Variants in TMEM108 observed in about 807,000 individuals in gnomAD.
The protein encoded by TMEM108 is cancer/testis antigen 124.
A neutral mutation model predicts 35.1 loss-of-function variants in TMEM108; 12 were observed. The ratio of observed to expected loss-of-function variants is 0.34; its 90% CI spans 0.22 to 0.55. The LOEUF is 0.55. Among genes scored for constraint, TMEM108 ranks in the 20% least tolerant of loss-of-function variants. The pLI is 0.89. For missense variants in TMEM108, 680 were observed against 753.3 expected (o/e 0.90, Z 1.14); for synonymous variants, 287 against 308.6 (o/e 0.93, Z 0.73).
In TMEM108 at chr3:133,125,920, G is replaced by A. The variant is rs575192721; in HGVS notation, c.-47+79900G>A. 9.2e-5 allele frequency among the ~76,000 whole-genome samples: 14 copies of A among 152,134 alleles called. 1 individual carries two copies. The highest frequency in any genetic ancestry group is 3.1e-4 in the African/African-American group (13 of 41,506). ...AATTATAGTCACTGTTTTATTTCAG[G>A]GCTGTTTCCTTCTATCAGTTCCTTT... On this transcript the variant is annotated intron_variant, in intron 2 of 5. Coordinates refer to ENST00000321871, the MANE Select transcript of TMEM108 (RefSeq NM_023943.4).
intron 2 of TMEM108, among the ~76,000 whole-genome samples, chr3:133,209,556 T>C (rs945297375): frequency 6.6e-6 from 1 of 152,106 alleles, no homozygotes; most frequent in African/African-American, 2.4e-5. Context: ...TGTTAAGTTG[T>C]GGCACTCAGT....
At chr3:133,124,192 A>G (rs1944387289) in intron 2 of TMEM108, among the ~76,000 whole-genome samples, 1 of 152,218 alleles carries the variant, frequency 6.6e-6, no homozygotes. Context: ...GGAAAGCAGC[A>G]TCAGTCATTT....
intron 2 of TMEM108, among the ~76,000 whole-genome samples, chr3:133,179,060 C>T (rs1410606595): frequency 6.6e-6 from 1 of 152,092 alleles, no homozygotes; most frequent in Non-Finnish European, 1.5e-5. Flanking sequence ...AAAAAATGCT[C>T]ATCATCACTG....
intron 4 of TMEM108, chr3:133,389,568 C>T (rs1661397812): frequency 5.3e-6 from 1 of 189,886 alleles, no homozygotes; most frequent in African/African-American, 2.4e-5. Flanking sequence ...CCTGTAATAT[C>T]CCAGCTTCTT....
chr3:133,265,855 A>C (rs1420397453), intron 3 of TMEM108, among the ~76,000 whole-genome samples: 3 of 152,186 alleles, frequency 2.0e-5, no homozygotes, highest in Non-Finnish European at 1.5e-5. Context: ...TTTTCTTGAA[A>C]ATGGCTGTAT....
intron 2 of TMEM108, among the ~76,000 whole-genome samples, chr3:133,073,508 C>CTATATATATA (rs1273905276): frequency 8.7e-5 from 6 of 68,984 alleles, no homozygotes; most frequent in African/African-American, 2.2e-4. Flanking sequence ...CTCTCTCTCT[C>CTATATATATA]TCTATATATA....
rs536940257 is a variant in TMEM108 at position 133,224,203 on chromosome 3, A to T, written c.-46-5063A>T. Among the ~76,000 whole-genome samples the T allele has an allele frequency of 3.3e-5, 5 of 152,228 alleles. No individual in the cohort carries two copies. In the South Asian group the frequency reaches 1.0e-3, roughly 32 times the overall value. On this transcript the variant is annotated intron_variant, in intron 2 of 5. Transcript: ENST00000321871. The stretch of plus-strand genomic sequence containing the variant: ...TAAGCATTTATTGAATGCCTACCAC[A>T]TTCTAAACGCTCCATAGATACCCAC...
chr3:133,368,803 A>G (rs1247622342), intron 3 of TMEM108, among the ~76,000 whole-genome samples: 1 of 152,142 alleles, frequency 6.6e-6, no homozygotes, highest in Non-Finnish European at 1.5e-5. Context: ...ATGGTTTCAA[A>G]AGTATTATTG....
intron 2 of TMEM108, among the ~76,000 whole-genome samples, chr3:133,135,041 T>A (rs991357715): frequency 9.2e-5 from 14 of 152,224 alleles, no homozygotes; most frequent in African/African-American, 3.1e-4. Context: ...CTATTTTTCC[T>A]CCACAAATTA....
At chr3:133,191,740 T>C (rs1945500684) in intron 2 of TMEM108, among the ~76,000 whole-genome samples, 1 of 152,110 alleles carries the variant, frequency 6.6e-6, no homozygotes, top group African/African-American at 2.4e-5. Flanking sequence ...ACTGAATAAT[T>C]TGAGGTGTAC....
intron 3 of TMEM108, among the ~76,000 whole-genome samples, chr3:133,345,348 T>C (rs550831014): frequency 2.0e-5 from 3 of 151,674 alleles, no homozygotes; most frequent in Non-Finnish European, 4.4e-5. Flanking sequence ...TACAGAAAAA[T>C]TATTTGATAA....
intron 3 of TMEM108, among the ~76,000 whole-genome samples, chr3:133,368,224 G>A (rs2072556480): frequency 6.6e-6 from 1 of 152,104 alleles, no homozygotes; most frequent in Non-Finnish European, 1.5e-5. Context: ...TCTCTAGGGT[G>A]TGCCTAGGTC....
intron 2 of TMEM108, among the ~76,000 whole-genome samples, chr3:133,097,415 A>G (rs1202075929): frequency 6.6e-6 from 1 of 152,174 alleles, no homozygotes; most frequent in African/African-American, 2.4e-5. Flanking sequence ...GTTCTGTGTC[A>G]TTAAGTACTG....
intron 2 of TMEM108, among the ~76,000 whole-genome samples, chr3:133,100,016 G>T (rs1187735117): frequency 2.0e-5 from 3 of 152,146 alleles, no homozygotes; most frequent in Non-Finnish European, 2.9e-5. Flanking sequence ...TAACGCTGCT[G>T]ATAAAGACAT....
intron 2 of TMEM108, among the ~76,000 whole-genome samples, chr3:133,216,717 A>T (rs78667561): frequency 0.014 from 2,094 of 151,956 alleles, 55 homozygotes; most frequent in African/African-American, 0.048. Flanking sequence ...GGCTTATTTC[A>T]CTTACTATCT....
At chr3:133,038,459 C>G (rs961668049) in intron 1 of TMEM108, 24 bp downstream of exon 1, 1 of 152,368 alleles carries the variant, frequency 6.6e-6, no homozygotes, top group Non-Finnish European at 1.5e-5. Flanking sequence ...CGGGGCGTCC[C>G]CCCAGTCCTT....
chr3:133,181,733 C>T (rs997816314), intron 2 of TMEM108, among the ~76,000 whole-genome samples: 3 of 151,952 alleles, frequency 2.0e-5, no homozygotes, highest in East Asian at 3.9e-4. Context: ...TTAGTTAAAC[C>T]GAGGAGCAGA....
chr3:133,288,724 G>A (rs1191357491), intron 3 of TMEM108, among the ~76,000 whole-genome samples: 1 of 152,144 alleles, frequency 6.6e-6, no homozygotes, highest in Non-Finnish European at 1.5e-5. Flanking sequence ...TTCATTAAGA[G>A]GTATTTTTAC....
At chr3:133,369,048 C>T (rs367560475) in intron 3 of TMEM108, among the ~76,000 whole-genome samples, 8 of 152,290 alleles carry the variant, frequency 5.3e-5, no homozygotes, top group Middle Eastern at 3.4e-3. Context: ...CTGAGAAAAA[C>T]GAAGCTTAAC....
Sources: gnomAD v4.1 joint callset for allele counts (sites outside exome capture counted in the v4.1 genomes callset) on GRCh38, gnomAD v4.1.1 for gene constraint, MANE v1.5 for transcripts, NCBI Gene and HGNC (gene_info 2026-07-23, HGNC 2026-07-21) for gene names.